The following TENM2 variants were observed in gnomAD, a reference collection of about 807,000 sequenced individuals.
The protein encoded by TENM2 is teneurin transmembrane protein 2.
A neutral mutation model predicts 245.2 loss-of-function variants in TENM2; 52 were observed. That is an observed-to-expected ratio of 0.21 (90% CI 0.17 to 0.27). TENM2 has a LOEUF of 0.27. TENM2 is among the 10% of genes least tolerant of loss of function. The probability of loss-of-function intolerance (pLI) is 1.00; values close to 1 mark genes in which losing one functional copy is unlikely to be tolerated. For missense variants in TENM2, 3,046 were observed against 3,666.8 expected (o/e 0.83, Z 4.37); for synonymous variants, 1,363 against 1,438.9 (o/e 0.95, Z 1.19).
intron 2 of TENM2, among the ~76,000 whole-genome samples, chr5:167,543,071 T>G (rs972464318): frequency 6.6e-6 from 1 of 152,162 alleles, no homozygotes; most frequent in African/African-American, 2.4e-5. Context: ...CCAGGACTAC[T>G]GATTTTAAAA....
intron 2 of TENM2, among the ~76,000 whole-genome samples, chr5:167,606,008 T>C (rs1777017541): frequency 1.3e-5 from 2 of 152,146 alleles, no homozygotes; most frequent in South Asian, 4.1e-4. Context: ...TAATCAGATA[T>C]CTCTTACAAC....
At chr5:168,197,938 A>T (rs1165305808) in intron 15 of TENM2, among the ~76,000 whole-genome samples, 1 of 152,212 alleles carries the variant, frequency 6.6e-6, no homozygotes, top group Non-Finnish European at 1.5e-5. Flanking sequence ...TGCTGTAATG[A>T]GCTCCTCTCT....
intron 3 of TENM2, among the ~76,000 whole-genome samples, chr5:167,883,549 G>T (rs916587815): frequency 6.6e-6 from 1 of 152,202 alleles, no homozygotes; most frequent in African/African-American, 2.4e-5. Context: ...GTGACAGACG[G>T]CAGAGAACTG....
chr5:167,740,677 C>T (rs547444013), intron 2 of TENM2, among the ~76,000 whole-genome samples: 1 of 152,308 alleles, frequency 6.6e-6, no homozygotes, highest in South Asian at 2.1e-4. Context: ...ACACTTTAGC[C>T]TCAGTTACTG....
At position 167,378,267 on chromosome 5, in the gene TENM2, C is replaced by A. The variant is rs139710298; in HGVS notation, c.502+2794C>A. On this transcript the variant is annotated intron_variant, in intron 2 of 28. Transcript: ENST00000518659. Reference sequence around the variant, plus strand: ...TCTTTAATTTTGCCAACAGTTCTCCCTAGATCAATGTTGATTGTGCTTCCT... The same window carrying A: ...TCTTTAATTTTGCCAACAGTTCTCCATAGATCAATGTTGATTGTGCTTCCT... Among the ~76,000 whole-genome samples, 200 of 152,122 alleles carry A rather than the reference C, an allele frequency of 1.3e-3. 8 individuals carry two copies. In the East Asian group the frequency reaches 0.027, roughly 21 times the overall value.
At chr5:167,061,123 T>G in the TENM2 span, among the ~76,000 whole-genome samples, 2 of 140,338 alleles carry the variant, frequency 1.4e-5, no homozygotes, top group Admixed American at 7.3e-5. Context: ...CACACACACA[T>G]GCATACGCAC....
At chr5:168,138,252 C>G (rs887027938) in intron 12 of TENM2, among the ~76,000 whole-genome samples, 3 of 152,144 alleles carry the variant, frequency 2.0e-5, no homozygotes, top group African/African-American at 7.2e-5. Context: ...CTTCAATAAG[C>G]CTCAGTTTTT....
intron 5 of TENM2, among the ~76,000 whole-genome samples, chr5:168,014,406 G>C (rs910280902): frequency 2.7e-5 from 4 of 148,700 alleles, no homozygotes; most frequent in African/African-American, 9.7e-5. Flanking sequence ...TCAGCCCCAA[G>C]TGCGCTGGCC....
the TENM2 span, among the ~76,000 whole-genome samples, chr5:167,279,424 AAGTT>A: frequency 2.1e-4 from 32 of 152,002 alleles, no homozygotes; most frequent in South Asian, 8.3e-4. Flanking sequence ...ACAGGTCCCT[AAGTT>A]AGTTAGTTAG....
At chr5:167,286,695 T>C (rs960260831) in intron 1 of TENM2, among the ~76,000 whole-genome samples, 1 of 152,208 alleles carries the variant, frequency 6.6e-6, no homozygotes, top group Non-Finnish European at 1.5e-5. Flanking sequence ...AATTCTGTGC[T>C]GAAATGTTCA....
intron 25 of TENM2, among the ~76,000 whole-genome samples, chr5:168,237,424 A>T (rs2152663662): frequency 6.6e-6 from 1 of 152,176 alleles, no homozygotes; most frequent in Admixed American, 6.6e-5. Flanking sequence ...ACTAATGTTC[A>T]TTGAGCACCA....
At chr5:167,543,752 C>T (rs1232036897) in intron 2 of TENM2, among the ~76,000 whole-genome samples, 12 of 152,086 alleles carry the variant, frequency 7.9e-5, no homozygotes, top group Non-Finnish European at 1.0e-4. Flanking sequence ...TTCTAGCTTA[C>T]GGTGATTTGC....
At chr5:167,939,214 G>A (rs963861842) in intron 3 of TENM2, among the ~76,000 whole-genome samples, 3 of 152,130 alleles carry the variant, frequency 2.0e-5, no homozygotes, top group Non-Finnish European at 2.9e-5. Context: ...GGATGGTTTC[G>A]GGATGAAACT....
At chr5:167,005,722 C>T in the TENM2 span, among the ~76,000 whole-genome samples, 3 of 128,042 alleles carry the variant, frequency 2.3e-5, no homozygotes, top group South Asian at 5.3e-4. Context: ...AGTGCAATGG[C>T]GTGGTATTGG....
At chr5:168,134,074 G>A (rs190508034) in intron 12 of TENM2, among the ~76,000 whole-genome samples, 4 of 152,094 alleles carry the variant, frequency 2.6e-5, no homozygotes, top group African/African-American at 9.6e-5. Context: ...AGAATCCCTC[G>A]AACCCAGGAG....
chr5:167,265,331 C>CAAAAAAAAAAA, the TENM2 span, among the ~76,000 whole-genome samples: 2 of 39,396 alleles, frequency 5.1e-5, no homozygotes, highest in African/African-American at 1.6e-4. Context: ...GACTCTGTCT[C>CAAAAAAAAAAA]AAAAAAAAAA....
At chr5:167,784,896 G>A (rs1561778549) in intron 2 of TENM2, among the ~76,000 whole-genome samples, 1 of 152,080 alleles carries the variant, frequency 6.6e-6, no homozygotes, top group Non-Finnish European at 1.5e-5. Flanking sequence ...CAAATGATTT[G>A]TGACTCCTAC....
At chr5:167,609,791 A>C (rs1777349950) in intron 2 of TENM2, among the ~76,000 whole-genome samples, 1 of 152,142 alleles carries the variant, frequency 6.6e-6, no homozygotes. Flanking sequence ...TCACATGTTC[A>C]ACACGGAATA....
chr5:168,069,972 G>A (rs1054326002), intron 7 of TENM2, among the ~76,000 whole-genome samples: 33 of 152,130 alleles, frequency 2.2e-4, no homozygotes, highest in Non-Finnish European at 3.8e-4. Context: ...ACATCAAAGA[G>A]GGTGATTATA....
Sources: gnomAD v4.1 joint callset for allele counts (sites outside exome capture counted in the v4.1 genomes callset) on GRCh38, gnomAD v4.1.1 for gene constraint, MANE v1.5 for transcripts, NCBI Gene and HGNC (gene_info 2026-07-23, HGNC 2026-07-21) for gene names.